The following SLIT3 variants were observed in gnomAD, a reference collection of about 807,000 sequenced individuals.
SLIT3 encodes slit guidance ligand 3.
Under a neutral mutation model 184.0 loss-of-function variants are expected in SLIT3, and 68 were observed. The observed-to-expected ratio is 0.37, with a 90% CI of 0.30 to 0.45. The LOEUF (loss-of-function observed/expected upper bound fraction) is 0.45. Ranked by LOEUF, SLIT3 falls within the 20% of genes least tolerant of loss-of-function variation. The probability of loss-of-function intolerance (pLI) is 1.00; values close to 1 mark genes in which losing one functional copy is unlikely to be tolerated. For missense variants in SLIT3, 1,707 were observed against 2,026.0 expected, an observed-to-expected ratio of 0.84 and a Z score of 3.02; for synonymous variants, 831 against 828.6, an observed-to-expected ratio of 1.00 and a Z score of -0.05.
At chr5:169,125,519 T>C (rs1336504393) in intron 4 of SLIT3, among the ~76,000 whole-genome samples, 1 of 152,224 alleles carries the variant, frequency 6.6e-6, no homozygotes, top group African/African-American at 2.4e-5. Context: ...GGGGAGCTTG[T>C]TCCTGACTCA....
At chr5:169,278,513 T>A (rs916991366) in intron 1 of SLIT3, among the ~76,000 whole-genome samples, 2 of 152,026 alleles carry the variant, frequency 1.3e-5, no homozygotes, top group Non-Finnish European at 2.9e-5. Context: ...TAAAGGCACT[T>A]AGCACAGTGC....
chr5:168,805,662 A>G (rs1437619244), intron 9 of SLIT3, among the ~76,000 whole-genome samples: 3 of 152,228 alleles, frequency 2.0e-5, no homozygotes, highest in African/African-American at 7.2e-5. Flanking sequence ...TTTGACATTC[A>G]TGTATACACA....
chr5:169,122,404 G>A (rs1203869262), intron 4 of SLIT3, among the ~76,000 whole-genome samples: 1 of 152,182 alleles, frequency 6.6e-6, no homozygotes, highest in African/African-American at 2.4e-5. Flanking sequence ...TTTCACATGT[G>A]CATCAAGGCC....
rs1755514327 is a variant in SLIT3 at position 168,996,486 on chromosome 5, C to T, written c.414-113150G>A. 3.3e-5 allele frequency among the ~76,000 whole-genome samples: 5 copies of T among 152,292 alleles called. No homozygotes were observed. The South Asian group carries it at 1.0e-3, about 32-fold the overall frequency. On this transcript the variant is annotated intron_variant, in intron 4 of 35. Coordinates refer to ENST00000519560, the MANE Select transcript of SLIT3 (RefSeq NM_003062.4). ...ACTGTCCCCCTGCCCCAAACCTATG[C>T]AAAAGAAATAGTCTACTTCTTCCAG...
chr5:169,289,908 A>G (rs1384068178), intron 1 of SLIT3, among the ~76,000 whole-genome samples: 1 of 152,082 alleles, frequency 6.6e-6, no homozygotes, highest in Non-Finnish European at 1.5e-5. Flanking sequence ...GGCATATGCT[A>G]GGGCACATAC....
chr5:169,163,040 G>C (rs1193712425), intron 4 of SLIT3, among the ~76,000 whole-genome samples: 1 of 152,040 alleles, frequency 6.6e-6, no homozygotes, highest in Non-Finnish European at 1.5e-5. Flanking sequence ...ATTAAAAAAG[G>C]GGCTGGGCAC....
At chr5:169,108,150 A>C (rs1760287270) in intron 4 of SLIT3, among the ~76,000 whole-genome samples, 1 of 152,248 alleles carries the variant, frequency 6.6e-6, no homozygotes, top group Non-Finnish European at 1.5e-5. Flanking sequence ...AGTAGCACCC[A>C]GTAGCTACTC....
intron 18 of SLIT3, among the ~76,000 whole-genome samples, chr5:168,750,078 T>C (rs1199700035): frequency 6.6e-6 from 1 of 152,146 alleles, no homozygotes; most frequent in East Asian, 1.9e-4. Flanking sequence ...TTTTCCCTCA[T>C]TCCCTTTCAT....
At chr5:169,260,384 G>A (rs942128078) in intron 1 of SLIT3, among the ~76,000 whole-genome samples, 1 of 152,284 alleles carries the variant, frequency 6.6e-6, no homozygotes, top group Admixed American at 6.5e-5. Flanking sequence ...GCAAGGTTCT[G>A]TGCTTTTTCT....
intron 10 of SLIT3, 148 bp from the exon 11 acceptor site, chr5:168,789,779 G>T (rs1756292539): frequency 3.2e-6 from 2 of 627,042 alleles, no homozygotes; most frequent in South Asian, 4.3e-5. Flanking sequence ...TGCAAGAGAA[G>T]GAGCTTAAAG....
intron 1 of SLIT3, among the ~76,000 whole-genome samples, chr5:169,298,062 G>A (rs1250945552): frequency 6.6e-6 from 1 of 152,190 alleles, no homozygotes; most frequent in African/African-American, 2.4e-5. Flanking sequence ...GGACTTTGGT[G>A]GTGAAGGACT....
At chr5:169,064,686 G>C (rs1392053220) in intron 4 of SLIT3, among the ~76,000 whole-genome samples, 4 of 152,174 alleles carry the variant, frequency 2.6e-5, no homozygotes, top group African/African-American at 9.7e-5. Context: ...TACAAGAAAG[G>C]TCAGTCCGGC....
intron 4 of SLIT3, among the ~76,000 whole-genome samples, chr5:169,084,423 T>C (rs148207898): frequency 6.6e-6 from 1 of 151,358 alleles, no homozygotes; most frequent in African/African-American, 2.4e-5. Flanking sequence ...CCCAAGTAGC[T>C]TGGATTACAG....
At chr5:168,897,647 T>TACACACACACACACACACACAC (rs60243688) in intron 4 of SLIT3, among the ~76,000 whole-genome samples, 6 of 141,414 alleles carry the variant, frequency 4.2e-5, no homozygotes, top group African/African-American at 1.6e-4. Flanking sequence ...CAGGTGCACG[T>TACACACACACACACACACACAC]ACACACACAC....
chr5:168,693,360 G>T (rs1262077584), intron 28 of SLIT3, among the ~76,000 whole-genome samples: 2 of 152,202 alleles, frequency 1.3e-5, no homozygotes, highest in African/African-American at 4.8e-5. Context: ...AAGTATGAAA[G>T]GAATTTGAAG....
intron 5 of SLIT3, among the ~76,000 whole-genome samples, chr5:168,882,411 CA>C (rs1172022022): frequency 6.6e-6 from 1 of 152,142 alleles, no homozygotes; most frequent in Non-Finnish European, 1.5e-5. Flanking sequence ...CGTCAAAGTT[CA>C]AAAATGTCAC....
chr5:169,234,796 G>C (rs561736178), intron 3 of SLIT3, among the ~76,000 whole-genome samples: 7 of 152,316 alleles, frequency 4.6e-5, no homozygotes, highest in African/African-American at 1.4e-4. Flanking sequence ...GTAGTCTGCA[G>C]TCACTGCACT....
intron 2 of SLIT3, among the ~76,000 whole-genome samples, chr5:169,247,663 A>C (rs1765637672): frequency 6.6e-6 from 1 of 152,054 alleles, no homozygotes; most frequent in African/African-American, 2.4e-5. Flanking sequence ...TTCATCAAGA[A>C]GTTTTTTTTT....
intron 15 of SLIT3, 120 bp downstream of exon 15, chr5:168,762,419 C>T (rs1755188544): frequency 1.9e-6 from 2 of 1,048,578 alleles, no homozygotes; most frequent in African/African-American, 3.1e-5. Context: ...TGAAAGACAG[C>T]CAACAAACAC....
Sources: gnomAD v4.1 joint callset for allele counts (sites outside exome capture counted in the v4.1 genomes callset) on GRCh38, gnomAD v4.1.1 for gene constraint, MANE v1.5 for transcripts, NCBI Gene and HGNC (gene_info 2026-07-23, HGNC 2026-07-21) for gene names.